SLC39A5: variants seen among roughly 807,000 people sequenced by gnomAD.
SLC39A5 encodes zinc transporter ZIP5.
SLC39A5 carries 42 observed loss-of-function variants against 46.9 expected under a neutral mutation model. That is an observed-to-expected ratio of 0.90 (90% CI 0.70 to 1.16). The LOEUF (loss-of-function observed/expected upper bound fraction) is 1.16, where lower values mean the gene tolerates loss of function less well. Ranked by LOEUF, SLC39A5 falls within the 50% of genes most tolerant of loss-of-function variation. SLC39A5 has a pLI of 0.00. For missense variants in SLC39A5, 677 were observed against 686.8 expected, an observed-to-expected ratio of 0.99 and a Z score of 0.16; for synonymous variants, 311 against 323.1, an observed-to-expected ratio of 0.96 and a Z score of 0.40.
intron 12 of SLC39A5, 109 bp downstream of exon 12, chr12:56,237,449 G>A: frequency 6.5e-7 from 1 of 1,539,174 alleles, no homozygotes; most frequent in South Asian, 1.2e-5. Context: ...AAGGGCGTCA[G>A]ACCATAGGCC....
intron 7 of SLC39A5, 42 bp downstream of exon 7, chr12:56,235,368 C>T: frequency 6.6e-7 from 1 of 1,507,496 alleles, no homozygotes; most frequent in Non-Finnish European, 8.8e-7. Context: ...CTCCATGGAT[C>T]TAAGGTGTCC....
Position 56,235,182 on chromosome 12 carries a change from C to T in SLC39A5, c.660C>T (p.Val220=), listed in dbSNP as rs759883947. 6.4e-7 allele frequency: 1 copy of T among 1,556,230 alleles called. No individual in the cohort carries two copies. Among genetic ancestry groups the T allele is most frequent in the South Asian group, 1.2e-5 (1 of 80,930 alleles). The change falls in exon 7 of 13, where the codon GTC becomes GTT. Residue 220 remains valine, a synonymous_variant. Coordinates refer to ENST00000454355, the MANE Select transcript of SLC39A5 (RefSeq NM_173596.3). ...LSALLQSALA[V]LLLSLPSPLS... The stretch of plus-strand genomic sequence containing the variant: ...CCCTGCTTCAGAGTGCCCTGGCAGT[C>T]CTGTTGCTCAGCCTCCCTTCTCCCC...
chr12:56,235,429 C>G, intron 7 of SLC39A5, 103 bp downstream of exon 7: 1 of 1,508,998 alleles, frequency 6.6e-7, no homozygotes, highest in East Asian at 2.3e-5. Context: ...ATATCCTACT[C>G]CCAGATCCTG....
rs376657405 is a variant in SLC39A5 at position 56,236,959 on chromosome 12, C to T, written c.1236C>T (p.Ser412=). 1.4e-5 allele frequency: 22 copies of T among 1,614,114 alleles called. No individual in the cohort carries two copies. Among genetic ancestry groups the T allele is most frequent in the Middle Eastern group, 1.6e-4 (1 of 6,062 alleles). The change falls in exon 11 of 13, where the codon AGC becomes AGT. Residue 412 remains serine, a synonymous_variant. Coordinates refer to ENST00000454355, the MANE Select transcript of SLC39A5 (RefSeq NM_173596.3). ...CTGCCTTCTCTGATGGCTTCTCCAG[C>T]GGCCTCAGTACCACCTTAGCGGTCT... ...IGAAFSDGFS[S]GLSTTLAVFC...
Position 56,235,294 on chromosome 12 carries a change from T to C in SLC39A5, c.772T>C (p.Cys258Arg), listed in dbSNP as rs763071118. 1.9e-6 allele frequency: 3 copies of C among 1,543,904 alleles called. No homozygotes were observed. The highest frequency in any genetic ancestry group is 2.6e-6 in the Non-Finnish European group (3 of 1,153,356). Residue 258 changes from cysteine to arginine, a missense_variant, in exon 7 of 13, where the codon TGT (cysteine) becomes CGT (arginine). Coordinates refer to ENST00000454355, the MANE Select transcript of SLC39A5 (RefSeq NM_173596.3). ...GGGGGCCCTGGCGGTGGGCACTCTT[T>C]GTGGGGATGCACTGCTACATCTGCT... ...FLGALAVGTL[C>R]GDALLHLLPH...
chr12:56,232,148 T>C (rs1052874207), intron 4 of SLC39A5, among the ~76,000 whole-genome samples: 11 of 149,560 alleles, frequency 7.4e-5, no homozygotes, highest in African/African-American at 2.5e-4. Flanking sequence ...AGACTTCTTT[T>C]TTCTTTTCTT....
At chr12:56,235,878 ACTAAAAATACAAAAATTAGCTGGG>A in intron 8 of SLC39A5, 178 bp downstream of exon 8, 1 of 753,772 alleles carries the variant, frequency 1.3e-6, no homozygotes, top group Non-Finnish European at 2.2e-6. Context: ...CCCTGTCTCT[ACTAAAAATACAAAAATTAGCTGGG>A]CGTGGTGGTG....
chr12:56,231,638 T>C (rs1282103006), intron 4 of SLC39A5, 77 bp downstream of exon 4: 7 of 1,445,882 alleles, frequency 4.8e-6, no homozygotes, highest in Non-Finnish European at 6.5e-6. Context: ...TGCCTCGTTC[T>C]GGCTTCCTCA....
chr12:56,233,264 C>CAA lies in SLC39A5; in HGVS notation c.471+428_471+429dup, dbSNP rs71081337. ...GGGCAACAAGAGGGAGACTCTGTCT[C>CAA]AAAAAAAAAAAAAAAAAAAAAAAAA... On this transcript the variant is annotated intron_variant, in intron 5 of 12. Coordinates refer to ENST00000454355, the MANE Select transcript of SLC39A5 (RefSeq NM_173596.3). 4.8e-4 allele frequency among the ~76,000 whole-genome samples: 15 copies of CAA among 31,034 alleles called. 2 individuals carry two copies. The highest frequency in any genetic ancestry group is 1.5e-3 in the East Asian group (1 of 650). 20.4% of individuals were successfully genotyped at this position (31,034 alleles called of 152,430 possible).
At chr12:56,235,078 G>A (rs1870601832) in intron 6 of SLC39A5, 79 bp from the exon 7 acceptor site, 1 of 1,580,910 alleles carries the variant, frequency 6.3e-7, no homozygotes, top group Non-Finnish European at 8.6e-7. Context: ...GCCTCTCCTT[G>A]TAGTGTTCTC....
chr12:56,234,929 G>A lies in SLC39A5; in HGVS notation c.577G>A (p.Asp193Asn), dbSNP rs146312464. The A allele has an allele frequency of 2.9e-5, 47 of 1,613,522 alleles. No individual in the cohort carries two copies. Among genetic ancestry groups the A allele is most frequent in the African/African-American group, 1.9e-4 (14 of 74,930 alleles). The change falls in exon 6 of 13, where the codon GAC becomes AAC. Residue 193 changes from aspartate (D) to asparagine (N), a missense_variant. Physicochemically the swap from Asp to Asn is conservative, Grantham distance 23. Coordinates refer to ENST00000454355, the MANE Select transcript of SLC39A5 (RefSeq NM_173596.3). ...GTGCCCAGCCCTGCTTTATCAGATCGACAGCCGCGTCTGCATCGGCGCTCC... is the reference window on the plus strand; with the variant it reads ...GTGCCCAGCCCTGCTTTATCAGATCAACAGCCGCGTCTGCATCGGCGCTCC... ...LLCPALLYQIDSRVCIGAPAP... is the reference protein window; with the variant it reads ...LLCPALLYQINSRVCIGAPAP...
In SLC39A5 at chr12:56,237,816, T is replaced by C. The variant is rs551214351; in HGVS notation, c.*85T>C. ...CGGGACACAGGGCCAGTAGGAGCAATAGGATTTTAATAAACAGAACCCATC... is the reference window on the plus strand; with the variant it reads ...CGGGACACAGGGCCAGTAGGAGCAACAGGATTTTAATAAACAGAACCCATC... On this transcript the variant is annotated 3_prime_UTR_variant, in exon 13 of 13. Coordinates refer to ENST00000454355, the MANE Select transcript of SLC39A5 (RefSeq NM_173596.3). The C allele has an allele frequency of 1.2e-5, 17 of 1,428,528 alleles. No individual in the cohort carries two copies. In the South Asian group the frequency reaches 1.7e-4, roughly 14 times the overall value. The allele number at this position is 1,428,528 out of a possible 1,614,324, so 88.5% of individuals were successfully genotyped here.
chr12:56,232,900 G>A (rs775699980), intron 5 of SLC39A5, 28 bp downstream of exon 5: 5 of 1,579,360 alleles, frequency 3.2e-6, no homozygotes, highest in South Asian at 2.3e-5. Flanking sequence ...TAGAGGGGAA[G>A]GAGCCATGGG....
At chr12:56,236,140 C>A (rs1870736969) in intron 8 of SLC39A5, among the ~76,000 whole-genome samples, 1 of 152,220 alleles carries the variant, frequency 6.6e-6, no homozygotes, top group African/African-American at 2.4e-5. Flanking sequence ...TGTGCAGGAC[C>A]TATCGGCTAA....
Position 56,234,887 on chromosome 12 carries a change from C to G in SLC39A5, c.535C>G (p.Arg179Gly), listed in dbSNP as rs771709181. 6.2e-7 allele frequency: 1 copy of G among 1,613,858 alleles called. No homozygotes were observed. Among genetic ancestry groups the G allele is most frequent in the Non-Finnish European group, 8.5e-7 (1 of 1,180,022 alleles). ...GLSPAAPLTP[R>G]QFALLCPALL... is the part of the protein sequence containing the mutation. ...GAGCCCCGCTGCTCCTCTGACCCCT[C>G]GTCAGTTTGCTCTGCTGTGCCCAGC... Residue 179 changes from arginine to glycine, a missense_variant, in exon 6 of 13, where the codon CGT becomes GGT. Arg to Gly is a moderately radical substitution (Grantham distance 125). Transcript: ENST00000454355.
rs996843700 is a variant in SLC39A5, at chr12:56,236,500, G to C, written c.1042+8G>C. ...CCCTACAGGCAGCTCCAGGTGACTA[G>C]AGGAGAAAATTTGAAGAGTAGGTTC... On this transcript the variant is annotated splice_region_variant and intron_variant, in intron 9 of 12. Transcript: ENST00000454355. 6.2e-7 allele frequency: 1 copy of C among 1,614,232 alleles called. No homozygotes were observed. Among genetic ancestry groups the C allele is most frequent in the Admixed American group, 1.7e-5 (1 of 60,036 alleles).
chr12:56,231,046 G>A, intron 3 of SLC39A5, 158 bp from the exon 4 acceptor site: 7 of 512,992 alleles, frequency 1.4e-5, no homozygotes, highest in Middle Eastern at 5.0e-4. Flanking sequence ...CAGCAAACAA[G>A]AGGCTGCTCC....
In SLC39A5 at chr12:56,237,675, A is replaced by C. The variant is rs1592382625; in HGVS notation, c.1567A>C (p.Met523Leu). Residue 523 changes from methionine (M) to leucine (L), a missense_variant, in exon 13 of 13, where the codon ATG becomes CTG. Transcript: ENST00000454355. ...GLGLLLGGGL[M>L]LAITLLEERL... Reference sequence around the variant, plus strand: ...GGGGCTGCTGCTGGGGGGCGGCCTCATGCTTGCCATAACCCTGCTGGAGGA... The same window carrying C: ...GGGGCTGCTGCTGGGGGGCGGCCTCCTGCTTGCCATAACCCTGCTGGAGGA... 6.2e-7 allele frequency: 1 copy of C among 1,607,122 alleles called. No individual in the cohort carries two copies. Among genetic ancestry groups the C allele is most frequent in the Admixed American group, 1.7e-5 (1 of 58,758 alleles).
Position 56,237,575 on chromosome 12 carries a change from CTT to C in SLC39A5, c.1480-9_1480-8del, listed in dbSNP as rs1227965467. On this transcript the variant is annotated splice_polypyrimidine_tract_variant and intron_variant, in intron 12 of 12. Transcript: ENST00000454355. ...GGCAAGGCCAGAATCCTGACATCCTCTTTTTCTTTCAGCTACCAGCCCTGCTT... is the reference window on the plus strand; with the variant it reads ...GGCAAGGCCAGAATCCTGACATCCTCTTTCTTTCAGCTACCAGCCCTGCTT... The C allele has an allele frequency of 3.1e-6, 5 of 1,613,584 alleles. No homozygotes were observed. The highest frequency in any genetic ancestry group is 2.7e-5 in the African/African-American group (2 of 74,786).
Sources: gnomAD v4.1 joint callset for allele counts (sites outside exome capture counted in the v4.1 genomes callset) on GRCh38, gnomAD v4.1.1 for gene constraint, MANE v1.5 for transcripts, NCBI Gene and HGNC (gene_info 2026-07-23, HGNC 2026-07-21) for gene names.